The following CCDC7 variants were observed in gnomAD, a reference collection of about 807,000 sequenced individuals.
CCDC7 encodes the protein coiled-coil domain containing 7.
CCDC7 carries 183 observed loss-of-function variants against 196.9 expected under a neutral mutation model. The ratio of observed to expected loss-of-function variants is 0.93; its 90% confidence interval spans 0.82 to 1.05. The LOEUF is 1.05. CCDC7 is among the 50% of genes least tolerant of loss of function. CCDC7 has a pLI of 0.00. For synonymous variants in CCDC7, 525 were observed against 484.6 expected (o/e 1.08, Z -1.10); for missense variants, 1,540 against 1,482.2 (o/e 1.04, Z -0.64).
At chr10:32,617,253 T>G (rs1431778399) in intron 18 of CCDC7, among the ~76,000 whole-genome samples, 2 of 152,034 alleles carry the variant, frequency 1.3e-5, no homozygotes, top group African/African-American at 4.8e-5. Context: ...TTTGTTTCAT[T>G]GATTATTTGT....
chr10:32,471,559 ACTCTT>A (rs1418945924), intron 6 of CCDC7, among the ~76,000 whole-genome samples: 1 of 152,094 alleles, frequency 6.6e-6, no homozygotes, highest in Non-Finnish European at 1.5e-5. Flanking sequence ...TGGCTTATAA[ACTCTT>A]CTCTCAGTTT....
intron 15 of CCDC7, among the ~76,000 whole-genome samples, chr10:32,568,300 C>T (rs868698089): frequency 3.3e-5 from 5 of 152,058 alleles, no homozygotes; most frequent in African/African-American, 9.7e-5. Flanking sequence ...CCACCGCGCC[C>T]GGCCTTTGGA....
intron 24 of CCDC7, among the ~76,000 whole-genome samples, chr10:32,698,675 A>G (rs1395418512): frequency 2.0e-5 from 3 of 152,172 alleles, no homozygotes; most frequent in African/African-American, 4.8e-5. Context: ...AAAGAAATGA[A>G]CAAATCCTCC....
At chr10:32,765,266 T>C (rs2078098733) in intron 28 of CCDC7, among the ~76,000 whole-genome samples, 1 of 151,922 alleles carries the variant, frequency 6.6e-6, no homozygotes, top group Non-Finnish European at 1.5e-5. Context: ...AAGGAAATAA[T>C]AAGATTTTTT....
intron 13 of CCDC7, among the ~76,000 whole-genome samples, chr10:32,551,375 T>A (rs905179133): frequency 1.3e-5 from 2 of 152,092 alleles, no homozygotes; most frequent in Admixed American, 1.3e-4. Context: ...ATCTTTTGTA[T>A]TGTTTTTATT....
At chr10:32,451,579 T>C (rs1041746443), upstream of CCDC7, 36 of 1,502,698 alleles carry the variant, frequency 2.4e-5, no homozygotes, top group Non-Finnish European at 3.2e-5. Flanking sequence ...GAATCTCTTA[T>C]TTTTTTTCAC....
intron 24 of CCDC7, among the ~76,000 whole-genome samples, chr10:32,697,649 A>G (rs1346255413): frequency 6.6e-6 from 1 of 152,168 alleles, no homozygotes; most frequent in African/African-American, 2.4e-5. Context: ...CTGAGGCTTG[A>G]CTAGGTAAAC....
At chr10:32,663,964 A>G (rs1026207085) in intron 20 of CCDC7, 90 bp from the exon 22 acceptor site, 6 of 204,106 alleles carry the variant, frequency 2.9e-5, no homozygotes, top group Non-Finnish European at 5.1e-5. Context: ...AAAATGAGAC[A>G]GAATATGGCT....
chr10:32,585,716 A>T lies in CCDC7; in HGVS notation c.1801+1412A>T, dbSNP rs181123386. The stretch of plus-strand genomic sequence containing the variant: ...CAAAGGATGTGAACTCATCCTTTTT[A>T]TGGCTGCATAGTATTCCACGGTGTA... On this transcript the variant is annotated intron_variant, in intron 18 of 41. Transcript: ENST00000639629. 7.0e-3 allele frequency among the ~76,000 whole-genome samples: 1,072 copies of T among 152,216 alleles called. 13 individuals are homozygous for T. Among genetic ancestry groups the T allele is most frequent in the African/African-American group, 0.025 (1,023 of 41,542 alleles).
At chr10:32,856,281 C>T (rs139188985) in intron 41 of CCDC7, among the ~76,000 whole-genome samples, 60 of 152,272 alleles carry the variant, frequency 3.9e-4, no homozygotes, top group African/African-American at 1.3e-3. Context: ...AGGCAAACCA[C>T]AGAATGGGAG....
chr10:32,787,415 CA>C (rs2082047484), intron 29 of CCDC7, among the ~76,000 whole-genome samples: 2 of 152,134 alleles, frequency 1.3e-5, no homozygotes, highest in Admixed American at 1.3e-4. Context: ...CTAAAGAAAC[CA>C]GATGAGAGAT....
chr10:32,462,768 A>T, intron 4 of CCDC7, 65 bp downstream of exon 5: 4 of 1,390,306 alleles, frequency 2.9e-6, no homozygotes, highest in Non-Finnish European at 3.9e-6. Flanking sequence ...GCCAATGAAG[A>T]AGAGGTTTCT....
At chr10:32,810,081 TG>T (rs1452137442) in intron 30 of CCDC7, among the ~76,000 whole-genome samples, 1 of 151,960 alleles carries the variant, frequency 6.6e-6, no homozygotes, top group Non-Finnish European at 1.5e-5. Context: ...AATGTTACTA[TG>T]GCAGAAAATC....
intron 21 of CCDC7, among the ~76,000 whole-genome samples, chr10:32,665,463 T>A (rs1244692502): frequency 6.6e-6 from 1 of 152,114 alleles, no homozygotes; most frequent in African/African-American, 2.4e-5. Flanking sequence ...GTGTCCTTAA[T>A]CCAATTTGAG....
chr10:32,642,703 A>C (rs1365553320), intron 20 of CCDC7, among the ~76,000 whole-genome samples: 1 of 152,190 alleles, frequency 6.6e-6, no homozygotes, highest in Non-Finnish European at 1.5e-5. Flanking sequence ...TGATGAACCC[A>C]GTACCTCGGT....
At chr10:32,743,997 G>A in intron 28 of CCDC7, among the ~76,000 whole-genome samples, 1 of 114,148 alleles carries the variant, frequency 8.8e-6, no homozygotes, top group Non-Finnish European at 1.7e-5. Flanking sequence ...GTGGGGTGGG[G>A]GGAGGGGGGA....
At chr10:32,673,682 T>TGTGC (rs1340104032) in intron 21 of CCDC7, among the ~76,000 whole-genome samples, 11 of 151,774 alleles carry the variant, frequency 7.2e-5, no homozygotes, top group Admixed American at 2.0e-4. Flanking sequence ...TGTGTGTGTG[T>TGTGC]GTGTGTAGTT....
intron 18 of CCDC7, among the ~76,000 whole-genome samples, chr10:32,627,445 T>C (rs768588633): frequency 2.0e-5 from 3 of 151,962 alleles, no homozygotes; most frequent in Non-Finnish European, 4.4e-5. Context: ...TAATATTATA[T>C]TGTTAGCAAA....
At chr10:32,818,467 T>C (rs2135515439) in intron 31 of CCDC7, among the ~76,000 whole-genome samples, 1 of 152,252 alleles carries the variant, frequency 6.6e-6, no homozygotes, top group Admixed American at 6.5e-5. Context: ...GGAATTGAAC[T>C]CAGCTCTGCA....
Sources: gnomAD v4.1 joint callset for allele counts (sites outside exome capture counted in the v4.1 genomes callset) on GRCh38, gnomAD v4.1.1 for gene constraint, MANE v1.5 for transcripts, NCBI Gene and HGNC (gene_info 2026-07-23, HGNC 2026-07-21) for gene names.